CLASRP: variants seen among roughly 807,000 people sequenced by gnomAD.
The protein encoded by CLASRP is CLK4-associating serine/arginine rich protein.
A neutral mutation model predicts 99.9 loss-of-function variants in CLASRP; 52 were observed. The ratio of observed to expected loss-of-function variants is 0.52; its 90% CI spans 0.42 to 0.66. The LOEUF is 0.66. Among genes scored for constraint, CLASRP ranks in the 30% least tolerant of loss-of-function variants. The pLI, the probability that CLASRP is intolerant of heterozygous loss-of-function variation, is 0.00. For synonymous variants in CLASRP, 379 were observed against 373.0 expected, an observed-to-expected ratio of 1.02 and a Z score of -0.18; for missense variants, 848 against 999.2, an observed-to-expected ratio of 0.85 and a Z score of 2.04.
At chr19:45,057,023 G>A (rs1972131535) in intron 6 of CLASRP, among the ~76,000 whole-genome samples, 2 of 152,306 alleles carry the variant, frequency 1.3e-5, no homozygotes, top group South Asian at 2.1e-4. Flanking sequence ...AGGAGTAGCT[G>A]GGGAGACCCG....
rs1376811090 is a variant in CLASRP, at chr19:45,060,232, CACA to C, written c.711-156_711-154del. ...TCTTGATACCTAAGATAGCACCTGG[CACA>C]CAGAGGGTGCTTGATAAGTGGCATT... On this transcript the variant is annotated intron_variant, in intron 8 of 20. Transcript: ENST00000221455. This position sits in a 1 kb window ranked among gnomAD's most constrained non-coding sequence, Gnocchi z 4.6. Among the ~76,000 whole-genome samples, 1 of 152,030 alleles carries C rather than the reference CACA, an allele frequency of 6.6e-6. No individual in the cohort carries two copies. Among genetic ancestry groups the C allele is most frequent in the Non-Finnish European group, 1.5e-5 (1 of 68,020 alleles).
At chr19:45,047,518 T>C (rs1971944346) in intron 2 of CLASRP, 1 of 151,608 alleles carries the variant, frequency 6.6e-6, no homozygotes, top group Non-Finnish European at 1.5e-5. Context: ...GCATGGCCAC[T>C]GTGCAAGGAT....
intron 2 of CLASRP, among the ~76,000 whole-genome samples, chr19:45,042,377 A>G (rs1216992291): frequency 1.3e-5 from 2 of 152,066 alleles, no homozygotes; most frequent in African/African-American, 4.8e-5. Context: ...AGGCTGGGGC[A>G]GTAATACAGG....
intron 2 of CLASRP, among the ~76,000 whole-genome samples, chr19:45,047,876 G>A (rs1971950947): frequency 6.6e-6 from 1 of 152,074 alleles, no homozygotes; most frequent in South Asian, 2.1e-4. Context: ...CTGAGGTCAG[G>A]AGTTGAAGAC....
At chr19:45,043,536 TG>T (rs1472810920) in intron 2 of CLASRP, among the ~76,000 whole-genome samples, 2 of 151,988 alleles carry the variant, frequency 1.3e-5, no homozygotes, top group African/African-American at 4.8e-5. Flanking sequence ...CCATCAAATA[TG>T]GTTTGAAAGA....
intron 2 of CLASRP, among the ~76,000 whole-genome samples, chr19:45,043,675 C>T (rs763281281): frequency 3.9e-5 from 6 of 152,168 alleles, no homozygotes; most frequent in Admixed American, 6.5e-5. Flanking sequence ...AGACAGAGAC[C>T]GCTCTTACTT....
chr19:45,064,566 G>C lies in CLASRP; in HGVS notation c.1345G>C (p.Asp449His). The C allele has an allele frequency of 6.5e-7, 1 of 1,540,592 alleles. No homozygotes were observed. The highest frequency in any genetic ancestry group is 8.7e-7 in the Non-Finnish European group (1 of 1,147,620). ...GCGGCACTCAGGTGGGGGCTCCCGA[G>C]ACGGACACCGGTACTCCCGCTCGCC... ...GRRHSGGGSR[D>H]GHRYSRSPAR... Residue 449 changes from aspartate (D) to histidine (H), a missense_variant, in exon 13 of 21, where the codon GAC (aspartate) becomes CAC (histidine). Physicochemically the swap from Asp to His is moderately conservative, Grantham distance 81. Transcript: ENST00000221455.
At chr19:45,039,966 CACCT>C (rs1489528506) in intron 1 of CLASRP, 8 of 383,520 alleles carry the variant, frequency 2.1e-5, no homozygotes, top group Non-Finnish European at 4.0e-5. Flanking sequence ...ACCTCAGAAT[CACCT>C]GAGGGTTTTT....
At chr19:45,040,163 C>A in intron 1 of CLASRP, 21 bp from the exon 2 acceptor site, 1 of 1,419,482 alleles carries the variant, frequency 7.0e-7, no homozygotes, top group Non-Finnish European at 9.8e-7. Context: ...ATCTGACTTT[C>A]CTGGTCCCTT....
intron 10 of CLASRP, among the ~76,000 whole-genome samples, chr19:45,061,812 T>C (rs113948940): frequency 0.012 from 1,754 of 151,522 alleles, 47 homozygotes; most frequent in African/African-American, 0.04. Context: ...TCATCATCAT[T>C]AGTAAGCCCG....
chr19:45,066,235 G>A (rs944396157), intron 13 of CLASRP, among the ~76,000 whole-genome samples: 4 of 151,526 alleles, frequency 2.6e-5, no homozygotes, highest in African/African-American at 7.3e-5. Context: ...TTCTCCCGCC[G>A]CAGCCTCCCA....
At position 45,057,762 on chromosome 19, in the gene CLASRP, G is replaced by A. The variant is rs761086703; in HGVS notation, c.477G>A (p.Lys159=). 3.7e-6 allele frequency: 6 copies of A among 1,613,918 alleles called. No individual in the cohort carries two copies. The East Asian group carries it at 1.3e-4, about 36-fold the overall frequency. ...TCCCCTTTCTCAGGCTGGCAGAGAAGAAGGCTTCCATCGGTTATACCTACG... is the reference window on the plus strand; with the variant it reads ...TCCCCTTTCTCAGGCTGGCAGAGAAAAAGGCTTCCATCGGTTATACCTACG... ...SEDEKKKLAE[K]KASIGYTYED... Residue 159 remains lysine, a synonymous_variant, in exon 7 of 21, where the codon AAG becomes AAA. Transcript: ENST00000221455.
chr19:45,042,247 T>TA (rs1181878066), intron 2 of CLASRP, among the ~76,000 whole-genome samples: 4 of 152,236 alleles, frequency 2.6e-5, no homozygotes, highest in African/African-American at 9.6e-5. Flanking sequence ...TTAGGAGCCA[T>TA]AGAGGTGCTC....
At chr19:45,047,502 G>A (rs1971943919) in intron 2 of CLASRP, 1 of 151,726 alleles carries the variant, frequency 6.6e-6, no homozygotes, top group Non-Finnish European at 1.5e-5. Flanking sequence ...AACGATACGG[G>A]GATTAGCATG....
intron 13 of CLASRP, 24 bp downstream of exon 13, chr19:45,064,654 T>A (rs780013781): frequency 5.3e-6 from 8 of 1,516,254 alleles, no homozygotes; most frequent in Non-Finnish European, 7.0e-6. Context: ...GGCGTGGAGG[T>A]GGGAGGGGCT....
rs930900385 is a variant in CLASRP, at chr19:45,070,244, A to C, written c.1957+140A>C. 10 of 683,930 alleles carry C rather than the reference A, an allele frequency of 1.5e-5. No homozygotes were observed. The African/African-American group carries it at 1.8e-4, about 12-fold the overall frequency. The allele number at this position is 683,930 out of a possible 1,614,324, so 42.4% of individuals were successfully genotyped here. A position where few individuals can be genotyped will look rare whatever the true frequency, so the allele number is the denominator to read the frequency against. On this transcript the variant is annotated intron_variant, in intron 19 of 20. Transcript: ENST00000221455. ...CACTTTGGGAGGCTGAGGTGGGTGG[A>C]TCAATCACCTGAGGTCAGGAGTTCG... is the stretch of plus-strand genomic sequence containing the variant.
In CLASRP at chr19:45,070,049, A is replaced by G. The variant is rs989922047; in HGVS notation, c.1902A>G (p.Arg634=). The G allele has an allele frequency of 3.1e-6, 5 of 1,608,662 alleles. No individual in the cohort carries two copies. The African/African-American group carries it at 6.7e-5, about 22-fold the overall frequency. Residue 634 remains arginine, a synonymous_variant, in exon 19 of 21, where the codon AGA becomes AGG. Coordinates refer to ENST00000221455, the MANE Select transcript of CLASRP (RefSeq NM_007056.3). ...AGCGGGAACGCCGAGAGAAGGAGAG[A>G]GAAGAGTGGGAACGCCAGTACAGCC... ...MKERERREKE[R]EEWERQYSRQ... is the part of the protein sequence containing the mutation.
rs563657401 is a variant in CLASRP at position 45,067,527 on chromosome 19, C to A, written c.1600C>A (p.Pro534Thr). 6.9e-6 allele frequency: 11 copies of A among 1,602,636 alleles called. No individual in the cohort carries two copies. The highest frequency in any genetic ancestry group is 2.7e-5 in the African/African-American group (2 of 74,972). Residue 534 changes from proline to threonine, a missense_variant, in exon 14 of 21, where the codon CCA becomes ACA. This residue lies in a region of CLASRP where 489 missense variants were observed against 434.7 expected (regional missense o/e 1.12). Coordinates refer to ENST00000221455, the MANE Select transcript of CLASRP (RefSeq NM_007056.3). The surrounding 1 kb of genome is among the most constrained non-coding windows in gnomAD (Gnocchi z 4.9). ...CCGCAGCCGCAGCCAGAGCCCCTCG[C>A]CATCACCCGCAAGAGAGAAGCTGAC... is the stretch of plus-strand genomic sequence containing the variant. ...RSRSRSQSPS[P>T]SPAREKLTRP...
intron 18 of CLASRP, 32 bp from the exon 19 acceptor site, chr19:45,069,990 C>G (rs745313090): frequency 4.7e-6 from 6 of 1,280,096 alleles, no homozygotes; most frequent in Admixed American, 1.7e-5. Context: ...GTCCAGTGTT[C>G]CCGGCCAGAT....
Sources: allele counts gnomAD v4.1 joint callset (sites outside exome capture counted in the v4.1 genomes callset), GRCh38; gene constraint gnomAD v4.1.1; regional missense constraint gnomAD v4.1.1; non-coding constraint Gnocchi (gnomAD v3.1); transcripts MANE v1.5; gene names NCBI Gene and HGNC (gene_info 2026-07-23, HGNC 2026-07-21).